DNAH14: variants seen among roughly 807,000 people sequenced by gnomAD.
DNAH14 encodes dynein axonemal heavy chain 14, also known as axonemal beta dynein heavy chain 14.
A neutral mutation model predicts 520.9 loss-of-function variants in DNAH14; 478 were observed. The ratio of observed to expected loss-of-function variants is 0.92; its 90% CI spans 0.85 to 0.99. The LOEUF is 0.99. Ranked by LOEUF, DNAH14 falls within the 50% of genes least tolerant of loss-of-function variation. The pLI is 0.00. For synonymous variants in DNAH14, 1,581 were observed against 1,757.2 expected, an observed-to-expected ratio of 0.90 and a Z score of 2.51; for missense variants, 4,831 against 5,234.5, an observed-to-expected ratio of 0.92 and a Z score of 2.38.
At chr1:225,110,809 C>A (rs990134521) in intron 23 of DNAH14, among the ~76,000 whole-genome samples, 1 of 151,656 alleles carries the variant, frequency 6.6e-6, no homozygotes. Flanking sequence ...TTGGTATATC[C>A]CATAAGTTTT....
chr1:225,181,675 T>C (rs529410015), intron 36 of DNAH14, among the ~76,000 whole-genome samples: 1 of 152,326 alleles, frequency 6.6e-6, no homozygotes, highest in East Asian at 1.9e-4. Flanking sequence ...TGGAGTTGTT[T>C]ATTTATTTAT....
intron 17 of DNAH14, among the ~76,000 whole-genome samples, chr1:225,078,347 T>A (rs551864564): frequency 7.5e-4 from 115 of 152,322 alleles, no homozygotes; most frequent in Non-Finnish European, 1.5e-3. Context: ...AAAGAACCTA[T>A]CACATACATG....
intron 55 of DNAH14, among the ~76,000 whole-genome samples, chr1:225,290,647 GTATATATATATATATATATATATATATA>G (rs56045354): frequency 8.7e-5 from 5 of 57,578 alleles, no homozygotes; most frequent in South Asian, 7.9e-4. Context: ...GTGTGTGTGT[GTATATATATATATATATATATATATATA>G]TATATATATA....
chr1:225,281,853 T>C (rs2093633344), intron 54 of DNAH14, among the ~76,000 whole-genome samples: 1 of 152,180 alleles, frequency 6.6e-6, no homozygotes, highest in Non-Finnish European at 1.5e-5. Context: ...AATGTAATTC[T>C]GTTATGCAAG....
At chr1:225,147,866 A>C (rs1394171290) in intron 31 of DNAH14, among the ~76,000 whole-genome samples, 2 of 152,162 alleles carry the variant, frequency 1.3e-5, no homozygotes, top group Non-Finnish European at 2.9e-5. Flanking sequence ...TAGCTCCCAC[A>C]TACAAGTGAG....
intron 58 of DNAH14, among the ~76,000 whole-genome samples, chr1:225,305,672 T>G (rs778327290): frequency 6.6e-6 from 1 of 152,106 alleles, no homozygotes; most frequent in African/African-American, 2.4e-5. Flanking sequence ...AGATCAGGGG[T>G]GTCCTGCCAA....
At chr1:225,100,604 A>G (rs1362807048) in intron 22 of DNAH14, 109 bp from the exon 23 acceptor site, 42 of 906,320 alleles carry the variant, frequency 4.6e-5, no homozygotes, top group Non-Finnish European at 6.2e-5. Context: ...AAAATTTAAC[A>G]TCAAATGTTT....
intron 46 of DNAH14, among the ~76,000 whole-genome samples, chr1:225,260,493 C>A (rs892802850): frequency 6.6e-6 from 1 of 152,042 alleles, no homozygotes; most frequent in Admixed American, 6.6e-5. Flanking sequence ...TATTTCTGGG[C>A]CCTTTATCCT....
intron 84 of DNAH14, chr1:225,395,981 A>G (rs144694467): frequency 9.6e-4 from 146 of 152,338 alleles, no homozygotes; most frequent in African/African-American, 3.1e-3. Context: ...GACTCTGAGG[A>G]GAAAAAGAAA....
chr1:225,005,761 A>T (rs941133134), intron 9 of DNAH14, among the ~76,000 whole-genome samples: 1 of 152,152 alleles, frequency 6.6e-6, no homozygotes, highest in Non-Finnish European at 1.5e-5. Flanking sequence ...TGTTAAGAGA[A>T]TTAACACAGT....
intron 15 of DNAH14, among the ~76,000 whole-genome samples, chr1:225,047,255 T>C (rs1233144143): frequency 2.0e-5 from 3 of 152,208 alleles, no homozygotes; most frequent in African/African-American, 7.2e-5. Context: ...TTCTAGCCTT[T>C]TCTTTTCCTT....
chr1:225,248,349 A>G (rs1219547985), intron 43 of DNAH14, among the ~76,000 whole-genome samples: 2 of 152,210 alleles, frequency 1.3e-5, no homozygotes, highest in Non-Finnish European at 2.9e-5. Flanking sequence ...ATTATAAAGT[A>G]ACTTTTTATT....
At chr1:225,108,459 C>T (rs1003569734) in intron 23 of DNAH14, among the ~76,000 whole-genome samples, 13 of 152,180 alleles carry the variant, frequency 8.5e-5, no homozygotes, top group East Asian at 3.9e-4. Context: ...TCTAGAGAAC[C>T]GTGACTAATA....
At chr1:225,367,635 C>A (rs943063296) in intron 76 of DNAH14, among the ~76,000 whole-genome samples, 170 bp from the exon 77 acceptor site, 5 of 152,174 alleles carry the variant, frequency 3.3e-5, no homozygotes, top group Admixed American at 3.3e-4. Context: ...CTTTTAGAGA[C>A]GTTTTTACAT....
chr1:225,144,532 G>T lies in DNAH14; in HGVS notation c.4644G>T (p.Trp1548Cys). Residue 1548 changes from tryptophan to cysteine, a missense_variant, in exon 29 of 86, where the codon TGG becomes TGT. Transcript: ENST00000682510. ...LVITPLTDRC[W>C]LTLMEALHLN... Reference sequence around the variant, plus strand: ...TTACGCCTCTCACAGACCGATGCTGGCTGACTCTCATGGAAGCACTACACT... The same window carrying T: ...TTACGCCTCTCACAGACCGATGCTGTCTGACTCTCATGGAAGCACTACACT... The T allele has an allele frequency of 1.9e-6, 3 of 1,551,496 alleles. No homozygotes were observed. Among genetic ancestry groups the T allele is most frequent in the South Asian group, 1.2e-5 (1 of 84,052 alleles).
At chr1:225,075,441 C>T (rs1182032879) in intron 17 of DNAH14, among the ~76,000 whole-genome samples, 1 of 152,158 alleles carries the variant, frequency 6.6e-6, no homozygotes, top group Non-Finnish European at 1.5e-5. Context: ...ATCTTGGCCA[C>T]TCCCTCCAAA....
At chr1:225,089,497 G>GAA (rs1333385631) in intron 21 of DNAH14, among the ~76,000 whole-genome samples, 285 of 122,130 alleles carry the variant, frequency 2.3e-3, no homozygotes, top group African/African-American at 7.6e-3. Flanking sequence ...AAAGAAAAAA[G>GAA]AAAACAGATT....
At chr1:225,076,434 A>G (rs775825954) in intron 17 of DNAH14, among the ~76,000 whole-genome samples, 2 of 152,146 alleles carry the variant, frequency 1.3e-5, no homozygotes, top group African/African-American at 2.4e-5. Flanking sequence ...AGATATTGTC[A>G]TCTCTCACTT....
chr1:224,974,142 A>G lies in DNAH14; in HGVS notation c.819A>G (p.Thr273=). The change falls in exon 8 of 86, where the codon ACA becomes ACG. Residue 273 remains threonine, a synonymous_variant. Transcript: ENST00000682510. ...TWKLNVKRIK[T]EKSRSFLYHH... The stretch of plus-strand genomic sequence containing the variant: ...AATTGAATGTTAAAAGAATTAAGAC[A>G]GAGAAGAGCAGGTAAGTTTTGATAC... 1.3e-6 allele frequency: 2 copies of G among 1,485,558 alleles called. No homozygotes were observed. The highest frequency in any genetic ancestry group is 2.8e-5 in the South Asian group (2 of 71,534). The allele number at this position is 1,485,558 out of a possible 1,614,324, so 92.0% of individuals were successfully genotyped here. A position where few individuals can be genotyped will look rare whatever the true frequency, so the allele number is the denominator to read the frequency against.
Sources: allele counts gnomAD v4.1 joint callset (sites outside exome capture counted in the v4.1 genomes callset), GRCh38; gene constraint gnomAD v4.1.1; transcripts MANE v1.5; gene names NCBI Gene and HGNC (gene_info 2026-07-23, HGNC 2026-07-21).